The following NKAIN2 variants were observed in gnomAD, a reference collection of about 807,000 sequenced individuals.
The protein encoded by NKAIN2 is sodium/potassium-transporting ATPase subunit beta-1-interacting protein 2.
NKAIN2 carries 14 observed loss-of-function variants against 32.6 expected under a neutral mutation model. That is an observed-to-expected ratio of 0.43 (90% CI 0.28 to 0.67). NKAIN2 has a LOEUF of 0.67. Among genes scored for constraint, NKAIN2 ranks in the 30% least tolerant of loss-of-function variants. The pLI, the probability that NKAIN2 is intolerant of heterozygous loss-of-function variation, is 0.17. For missense variants in NKAIN2, 198 were observed against 258.3 expected (o/e 0.77, Z 1.60); for synonymous variants, 80 against 87.2 (o/e 0.92, Z 0.46).
At chr6:123,805,931 C>G (rs1324192995) in intron 1 of NKAIN2, among the ~76,000 whole-genome samples, 2 of 152,020 alleles carry the variant, frequency 1.3e-5, no homozygotes, top group Non-Finnish European at 2.9e-5. Flanking sequence ...TTTCTTATGG[C>G]AAATGTATGC....
chr6:124,636,919 GA>G (rs1783793020), intron 3 of NKAIN2, among the ~76,000 whole-genome samples: 1 of 152,040 alleles, frequency 6.6e-6, no homozygotes, highest in Admixed American at 6.5e-5. Context: ...ACCAAAACTA[GA>G]AAATGACACA....
intron 6 of NKAIN2, 24 bp from the exon 7 acceptor site, chr6:124,823,196 A>G (rs1781460939): frequency 2.6e-6 from 4 of 1,545,810 alleles, no homozygotes; most frequent in Middle Eastern, 1.7e-4. Flanking sequence ...CCCCTTGACT[A>G]AAAACATCTT....
intron 3 of NKAIN2, among the ~76,000 whole-genome samples, chr6:124,564,485 ACC>A (rs67910307): frequency 2.6e-5 from 4 of 151,102 alleles, no homozygotes; most frequent in East Asian, 3.9e-4. Context: ...AAGCTGGCCA[ACC>A]CCCCCCTCCC....
intron 4 of NKAIN2, among the ~76,000 whole-genome samples, chr6:124,683,262 AGC>A (rs1017094304): frequency 2.0e-5 from 3 of 152,166 alleles, no homozygotes; most frequent in Non-Finnish European, 4.4e-5. Flanking sequence ...AACCATGGAG[AGC>A]AGAAAATTCC....
intron 1 of NKAIN2, among the ~76,000 whole-genome samples, chr6:124,262,881 C>G (rs377036699): frequency 6.6e-6 from 1 of 152,132 alleles, no homozygotes; most frequent in Non-Finnish European, 1.5e-5. Flanking sequence ...GGTTTGCCTT[C>G]TGGTCTCCAT....
In NKAIN2 at chr6:124,824,329, C is replaced by G. The variant is rs1169268754; in HGVS notation, c.*1100C>G. 1.3e-5 allele frequency: 2 copies of G among 151,864 alleles called. No individual in the cohort carries two copies. The highest frequency in any genetic ancestry group is 2.9e-5 in the Non-Finnish European group (2 of 67,858). The allele number at this position is 151,864 out of a possible 1,614,324, so 9.4% of individuals were successfully genotyped here. ...ACTCTACGTAGGTGAACTTTTTTTT[C>G]TAACTTCAGTGTACAAGATTATTTT... is the stretch of plus-strand genomic sequence containing the variant. On this transcript the variant is annotated 3_prime_UTR_variant, in exon 7 of 7. Coordinates refer to ENST00000368417, the MANE Select transcript of NKAIN2 (RefSeq NM_001040214.3).
intron 3 of NKAIN2, among the ~76,000 whole-genome samples, chr6:124,475,222 G>C (rs911360090): frequency 6.6e-6 from 1 of 152,052 alleles, no homozygotes; most frequent in South Asian, 2.1e-4. Flanking sequence ...TTGTGAACCT[G>C]AGCAGGGTGG....
At chr6:124,130,104 T>C (rs1284721628) in intron 1 of NKAIN2, among the ~76,000 whole-genome samples, 3 of 152,178 alleles carry the variant, frequency 2.0e-5, no homozygotes, top group Admixed American at 1.3e-4. Context: ...TTTAGTCTCA[T>C]GCTTACCCCT....
At chr6:124,194,905 T>G (rs918573074) in intron 1 of NKAIN2, among the ~76,000 whole-genome samples, 7 of 151,882 alleles carry the variant, frequency 4.6e-5, no homozygotes, top group African/African-American at 1.7e-4. Context: ...TTTAATTAGA[T>G]GCCTGTAAGT....
At chr6:124,225,585 G>A (rs1014201377) in intron 1 of NKAIN2, among the ~76,000 whole-genome samples, 11 of 151,790 alleles carry the variant, frequency 7.2e-5, no homozygotes, top group African/African-American at 2.7e-4. Flanking sequence ...TTATGACATT[G>A]CAAAGCATGC....
At chr6:124,480,804 G>A (rs1777414753) in intron 3 of NKAIN2, among the ~76,000 whole-genome samples, 1 of 152,048 alleles carries the variant, frequency 6.6e-6, no homozygotes, top group Non-Finnish European at 1.5e-5. Flanking sequence ...GATTGGCAGT[G>A]TTTGAAATTA....
chr6:124,710,129 A>T (rs1330450852), intron 4 of NKAIN2, among the ~76,000 whole-genome samples: 1 of 151,278 alleles, frequency 6.6e-6, no homozygotes, highest in Admixed American at 6.6e-5. Flanking sequence ...GTTTCCATGT[A>T]GTTGAGCGGT....
intron 1 of NKAIN2, among the ~76,000 whole-genome samples, chr6:124,201,026 G>C (rs1263592578): frequency 6.6e-6 from 1 of 152,040 alleles, no homozygotes; most frequent in Admixed American, 6.6e-5. Flanking sequence ...GGTTTAGTTT[G>C]TGCTTTGAAA....
chr6:124,812,399 C>T (rs1780942463), intron 5 of NKAIN2, among the ~76,000 whole-genome samples: 1 of 152,136 alleles, frequency 6.6e-6, no homozygotes, highest in African/African-American at 2.4e-5. Flanking sequence ...TATTGAGTGT[C>T]TTCCGTGAGC....
intron 4 of NKAIN2, among the ~76,000 whole-genome samples, chr6:124,688,159 T>C (rs1390061738): frequency 6.6e-6 from 1 of 152,122 alleles, no homozygotes; most frequent in Non-Finnish European, 1.5e-5. Flanking sequence ...CTGCAAGCGT[T>C]AACAAATATA....
intron 1 of NKAIN2, among the ~76,000 whole-genome samples, chr6:124,112,216 A>T (rs1785417853): frequency 6.6e-6 from 1 of 152,130 alleles, no homozygotes; most frequent in Non-Finnish European, 1.5e-5. Flanking sequence ...ATTGAAGAAC[A>T]CCACTTAACA....
chr6:123,854,593 A>G (rs1775485888), intron 1 of NKAIN2, among the ~76,000 whole-genome samples: 1 of 152,200 alleles, frequency 6.6e-6, no homozygotes. Flanking sequence ...TGTTTCACAT[A>G]CGTTATTACA....
intron 3 of NKAIN2, among the ~76,000 whole-genome samples, chr6:124,581,009 A>T (rs1014811484): frequency 2.0e-5 from 3 of 152,234 alleles, no homozygotes; most frequent in Non-Finnish European, 4.4e-5. Context: ...ATATATGCAC[A>T]CAACACTGGA....
intron 3 of NKAIN2, among the ~76,000 whole-genome samples, chr6:124,573,927 CT>C (rs920032317): frequency 6.6e-6 from 1 of 152,198 alleles, no homozygotes; most frequent in Non-Finnish European, 1.5e-5. Context: ...GGCTTATTTG[CT>C]CTGCTAACAG....
Sources: gnomAD v4.1 joint callset for allele counts (sites outside exome capture counted in the v4.1 genomes callset) on GRCh38, gnomAD v4.1.1 for gene constraint, MANE v1.5 for transcripts, NCBI Gene and HGNC (gene_info 2026-07-23, HGNC 2026-07-21) for gene names.